SLC4A5: variants seen among roughly 807,000 people sequenced by gnomAD.
The protein encoded by SLC4A5 is electrogenic sodium bicarbonate cotransporter 4.
A neutral mutation model predicts 120.4 loss-of-function variants in SLC4A5; 96 were observed. That is an observed-to-expected ratio of 0.80 (90% confidence interval 0.68 to 0.94). The LOEUF (loss-of-function observed/expected upper bound fraction) is 0.94. SLC4A5 is among the 40% of genes least tolerant of loss of function. The probability of loss-of-function intolerance (pLI) is 0.00; values close to 1 mark genes in which losing one functional copy is unlikely to be tolerated. For missense variants in SLC4A5, 1,259 were observed against 1,459.5 expected, an observed-to-expected ratio of 0.86 and a Z score of 2.24; for synonymous variants, 550 against 571.1, an observed-to-expected ratio of 0.96 and a Z score of 0.53.
chr2:74,220,715 A>G (rs1694609918), intron 30 of SLC4A5, among the ~76,000 whole-genome samples: 1 of 148,888 alleles, frequency 6.7e-6, no homozygotes, highest in Non-Finnish European at 1.5e-5. Context: ...ACAGGGTTTC[A>G]CCATGTTAGC....
intron 8 of SLC4A5, among the ~76,000 whole-genome samples, chr2:74,277,567 A>G (rs1671684381): frequency 6.6e-6 from 1 of 152,196 alleles, no homozygotes; most frequent in African/African-American, 2.4e-5. Context: ...AAAAATAAAA[A>G]AAAAAATAAA....
At chr2:74,260,577 T>C (rs982766884) in intron 11 of SLC4A5, among the ~76,000 whole-genome samples, 8 of 152,074 alleles carry the variant, frequency 5.3e-5, no homozygotes, top group Non-Finnish European at 1.0e-4. Flanking sequence ...CATGGACACA[T>C]TCCACTCAAT....
At chr2:74,336,125 T>G (rs888411778) in intron 3 of SLC4A5, among the ~76,000 whole-genome samples, 10 of 152,222 alleles carry the variant, frequency 6.6e-5, no homozygotes, top group African/African-American at 2.4e-4. Flanking sequence ...TAGAGTGCAG[T>G]GGCACTATCA....
chr2:74,258,822 G>T (rs1040458435), intron 12 of SLC4A5, among the ~76,000 whole-genome samples: 1 of 152,170 alleles, frequency 6.6e-6, no homozygotes, highest in Non-Finnish European at 1.5e-5. Context: ...CTGACATGAG[G>T]GGCTGACTTT....
intron 5 of SLC4A5, among the ~76,000 whole-genome samples, chr2:74,324,929 G>T (rs994029467): frequency 1.3e-5 from 2 of 152,150 alleles, no homozygotes; most frequent in Non-Finnish European, 2.9e-5. Context: ...GATAAGCTTG[G>T]AAGTTACTAT....
At chr2:74,239,664 G>T in intron 20 of SLC4A5, 129 bp from the exon 21 acceptor site, 2 of 833,588 alleles carry the variant, frequency 2.4e-6, no homozygotes, top group Non-Finnish European at 3.8e-6. Context: ...CCCCCAGAGT[G>T]ATGTTCCTGG....
chr2:74,239,053 T>C (rs1367136316), intron 21 of SLC4A5, among the ~76,000 whole-genome samples: 1 of 152,194 alleles, frequency 6.6e-6, no homozygotes, highest in African/African-American at 2.4e-5. Flanking sequence ...AACACAGGAA[T>C]AGCTGTATTT....
intron 5 of SLC4A5, among the ~76,000 whole-genome samples, chr2:74,320,385 A>T (rs750753520): frequency 6.6e-6 from 1 of 152,188 alleles, no homozygotes; most frequent in Non-Finnish European, 1.5e-5. Context: ...ATGGATAAAG[A>T]AATCTTAAAA....
chr2:74,339,238 T>C (rs1673569078), intron 2 of SLC4A5: 3 of 152,270 alleles, frequency 2.0e-5, no homozygotes, highest in South Asian at 4.1e-4. Context: ...TTTAGAAATA[T>C]TGTTAGGGGA....
intron 14 of SLC4A5, 128 bp from the exon 15 acceptor site, chr2:74,253,256 T>G: frequency 3.5e-6 from 4 of 1,137,292 alleles, no homozygotes; most frequent in Non-Finnish European, 5.0e-6. Context: ...CACTCTCAGT[T>G]TTTGGAATGA....
chr2:74,219,065 T>G (rs965457144), intron 30 of SLC4A5, among the ~76,000 whole-genome samples: 12 of 152,286 alleles, frequency 7.9e-5, no homozygotes, highest in Non-Finnish European at 1.2e-4. Flanking sequence ...CTCCTTAGTG[T>G]GAGAAGACAG....
chr2:74,236,567 T>C (rs949871975), intron 21 of SLC4A5, among the ~76,000 whole-genome samples: 1 of 152,262 alleles, frequency 6.6e-6, no homozygotes, highest in Non-Finnish European at 1.5e-5. Context: ...GTGTTTTATC[T>C]GTAAGTCAAT....
chr2:74,335,460 G>A (rs550383029), intron 3 of SLC4A5, among the ~76,000 whole-genome samples: 21 of 152,304 alleles, frequency 1.4e-4, no homozygotes, highest in South Asian at 4.1e-4. Context: ...TCCCCAGGCT[G>A]TACTTCCTTA....
At chr2:74,228,433 G>C in intron 25 of SLC4A5, among the ~76,000 whole-genome samples, 1 of 152,126 alleles carries the variant, frequency 6.6e-6, no homozygotes, top group Non-Finnish European at 1.5e-5. Context: ...TTTGAGACCA[G>C]CCTGGCCAAC....
chr2:74,250,295 G>A (rs762484142), intron 17 of SLC4A5, 48 bp downstream of exon 17: 2 of 1,576,724 alleles, frequency 1.3e-6, no homozygotes, highest in Non-Finnish European at 1.7e-6. Flanking sequence ...CTGCCACCAG[G>A]TGGCGGCAGA....
At chr2:74,266,536 T>C (rs1671309365) in intron 8 of SLC4A5, among the ~76,000 whole-genome samples, 1 of 152,194 alleles carries the variant, frequency 6.6e-6, no homozygotes, top group Admixed American at 6.5e-5. Context: ...CCCAAAGTTC[T>C]AGAATCACAG....
At chr2:74,221,089 C>T (rs182567960) in intron 30 of SLC4A5, among the ~76,000 whole-genome samples, 16 of 152,268 alleles carry the variant, frequency 1.1e-4, no homozygotes, top group African/African-American at 3.6e-4. Context: ...GTGATCCACC[C>T]GCCTTGGCCT....
chr2:74,308,978 G>A (rs538047142), intron 6 of SLC4A5, among the ~76,000 whole-genome samples: 1 of 151,312 alleles, frequency 6.6e-6, no homozygotes, highest in South Asian at 2.1e-4. Context: ...GCAGTGGTAT[G>A]ATCATGGCTC....
At chr2:74,265,722 G>A (rs1324627852) in intron 8 of SLC4A5, among the ~76,000 whole-genome samples, 1 of 152,188 alleles carries the variant, frequency 6.6e-6, no homozygotes, top group South Asian at 2.1e-4. Flanking sequence ...CAGGAAAAAT[G>A]TTCCCTGACG....
Sources: allele counts gnomAD v4.1 joint callset (sites outside exome capture counted in the v4.1 genomes callset), GRCh38; gene constraint gnomAD v4.1.1; transcripts MANE v1.5; gene names NCBI Gene and HGNC (gene_info 2026-07-23, HGNC 2026-07-21).